Variants in NBPF20 observed in about 807,000 individuals in gnomAD.
The protein encoded by NBPF20 is NBPF member 20.
In NBPF20, 90 loss-of-function variants were observed where a neutral mutation model predicts 68.1. That is an observed-to-expected ratio of 1.32 (90% confidence interval 1.11 to 1.58). The LOEUF is 1.58. NBPF20 is among the 40% of genes most tolerant of loss of function. The pLI, the probability that NBPF20 is intolerant of heterozygous loss-of-function variation, is 0.00. For missense variants in NBPF20, 816 were observed against 601.2 expected (o/e 1.36, Z -3.74); for synonymous variants, 290 against 228.1 (o/e 1.27, Z -2.45).
chr1:145,377,156 GC>G, intron 30 of NBPF20, 109 bp downstream of exon 35: 2 of 80,662 alleles, frequency 2.5e-5, no homozygotes, highest in Non-Finnish European at 3.9e-5. Flanking sequence ...CATAGGTCCT[GC>G]CTGCGGCAAT....
chr1:145,292,188 G>A (rs1661160305), intron 137 of NBPF20, among the ~76,000 whole-genome samples, 193 bp downstream of exon 142: 1 of 150,010 alleles, frequency 6.7e-6, no homozygotes. Context: ...TCAACCTATG[G>A]CACGTTAGTA....
chr1:145,413,711 TG>T, the NBPF20 span, among the ~76,000 whole-genome samples: 4 of 137,412 alleles, frequency 2.9e-5, no homozygotes, highest in Non-Finnish European at 3.1e-5. Flanking sequence ...CAAACTATTT[TG>T]GGTTATTGAC....
rs374941749 is a variant in NBPF20, at chr1:145,291,492, C to G, written c.*34G>C. 6 of 1,611,884 alleles carry G rather than the reference C, an allele frequency of 3.7e-6. No homozygotes were observed. In the East Asian group the frequency reaches 6.7e-5, roughly 18 times the overall value. On this transcript the variant is annotated 3_prime_UTR_variant, in exon 138 of 138. Transcript: ENST00000369373. Reference sequence around the variant, plus strand: ...TTCACGTGCCTATAGGTCCTGCCTGCAGGAATGACATCTCTCGGCTTAGTA... The same window carrying G: ...TTCACGTGCCTATAGGTCCTGCCTGGAGGAATGACATCTCTCGGCTTAGTA...
At chr1:145,291,697 A>T (rs587632360) in exon 138 of NBPF20, 1 of 1,611,842 alleles carries the variant, frequency 6.2e-7, no homozygotes, top group African/African-American at 1.3e-5. Flanking sequence ...ACATTGACGG[A>T]GTAGAATAAC....
intron 29 of NBPF20, among the ~76,000 whole-genome samples, chr1:145,377,683 G>C (rs1383145000): frequency 2.2e-5 from 3 of 135,968 alleles, no homozygotes; most frequent in Non-Finnish European, 4.8e-5. Flanking sequence ...TCAGCGAGTT[G>C]GCCGGGTGAC....
chr1:145,291,890 G>T, intron 137 of NBPF20, 121 bp from the exon 143 acceptor site: 1 of 1,578,332 alleles, frequency 6.3e-7, no homozygotes, highest in Non-Finnish European at 8.6e-7. Flanking sequence ...ATCCATTAAT[G>T]AGGTAAAAAA....
chr1:145,405,019 T>C (rs1662705459), intron 2 of NBPF20, 79 bp downstream of exon 7: 4 of 1,601,034 alleles, frequency 2.5e-6, no homozygotes, highest in Non-Finnish European at 3.4e-6. Context: ...GAAATTATTT[T>C]TGATGGAGAG....
exon 138 of NBPF20, chr1:145,291,748 T>G (rs782698543): frequency 6.8e-6 from 11 of 1,611,754 alleles, no homozygotes; most frequent in Admixed American, 6.7e-5. Context: ...GCTCTTCCAC[T>G]TCCATCAGCA....
chr1:145,292,576 C>G (rs1328742955), intron 136 of NBPF20, 87 bp from the exon 142 acceptor site: 7 of 741,468 alleles, frequency 9.4e-6, no homozygotes, highest in Non-Finnish European at 1.5e-5. Flanking sequence ...ACACAGGGAC[C>G]TCAGGCTCCC....
At chr1:145,292,194 T>G (rs782464531) in intron 137 of NBPF20, among the ~76,000 whole-genome samples, 187 bp downstream of exon 142, 5 of 149,878 alleles carry the variant, frequency 3.3e-5, no homozygotes, top group Admixed American at 6.6e-5. Context: ...TATGGCACGT[T>G]AGTAAAAGAT....
At chr1:145,291,474 G>C in exon 138 of NBPF20, 17 of 1,611,984 alleles carry the variant, frequency 1.1e-5, no homozygotes, top group Non-Finnish European at 1.3e-5. Flanking sequence ...ATCTTCACGT[G>C]CCTATAGGTC....
intron 7 of NBPF20, among the ~76,000 whole-genome samples, chr1:145,397,345 C>A (rs1662300551): frequency 6.6e-6 from 1 of 152,224 alleles, no homozygotes; most frequent in African/African-American, 2.4e-5. Context: ...AATTGTCACA[C>A]TGCCTTCCAC....
chr1:145,419,332 C>T, the NBPF20 span, among the ~76,000 whole-genome samples: 4 of 152,140 alleles, frequency 2.6e-5, no homozygotes, highest in Non-Finnish European at 5.9e-5. Flanking sequence ...AACAGGAACA[C>T]GCTAACTAGT....
chr1:145,397,780 A>G (rs1467625945), intron 7 of NBPF20, among the ~76,000 whole-genome samples: 1 of 152,232 alleles, frequency 6.6e-6, no homozygotes, highest in Non-Finnish European at 1.5e-5. Flanking sequence ...GTTAAAAAAC[A>G]CAGAATGGCA....
intron 10 of NBPF20, 82 bp downstream of exon 15, chr1:145,392,992 A>T (rs1286929909): frequency 2.8e-6 from 1 of 352,344 alleles, no homozygotes; most frequent in Non-Finnish European, 4.8e-6. Flanking sequence ...CTCTCAGCTC[A>T]GTAAGGGCCA....
At chr1:145,403,850 A>T (rs1382654005) in intron 2 of NBPF20, among the ~76,000 whole-genome samples, 1 of 151,806 alleles carries the variant, frequency 6.6e-6, no homozygotes, top group Non-Finnish European at 1.5e-5. Flanking sequence ...GACACATAAC[A>T]CCTTAAGGCC....
chr1:145,291,688 C>A (rs782311009), exon 138 of NBPF20: 18 of 1,611,812 alleles, frequency 1.1e-5, no homozygotes, highest in East Asian at 2.2e-5. Context: ...GTTCAAAGTA[C>A]ATTGACGGAG....
At chr1:145,298,313 G>C (rs1251877279) in intron 129 of NBPF20, among the ~76,000 whole-genome samples, 179 bp from the exon 135 acceptor site, 2 of 134,604 alleles carry the variant, frequency 1.5e-5, no homozygotes, top group Non-Finnish European at 3.1e-5. Context: ...GGAAAAGAAT[G>C]AAAGAGAAAG....
chr1:145,393,849 C>A, intron 9 of NBPF20, 35 bp downstream of exon 14: 2 of 1,492,278 alleles, frequency 1.3e-6, no homozygotes, highest in Non-Finnish European at 1.8e-6. Flanking sequence ...CAGGTGTCAA[C>A]ATCAAATTAA....
Sources: gnomAD v4.1 joint callset for allele counts (sites outside exome capture counted in the v4.1 genomes callset) on GRCh38, gnomAD v4.1.1 for gene constraint, MANE v1.5 for transcripts, NCBI Gene and HGNC (gene_info 2026-07-23, HGNC 2026-07-21) for gene names.